DNAAF3: variants seen among roughly 807,000 people sequenced by gnomAD.
DNAAF3 encodes UPF0470 protein C19orf51.
A neutral mutation model predicts 50.9 loss-of-function variants in DNAAF3; 40 were observed. That is an observed-to-expected ratio of 0.79 (90% CI 0.61 to 1.02). The LOEUF is 1.02. Ranked by LOEUF, DNAAF3 falls within the 50% of genes least tolerant of loss-of-function variation. The pLI is 0.00. For missense variants in DNAAF3, 763 were observed against 744.7 expected (o/e 1.02, Z -0.29); for synonymous variants, 327 against 322.8 (o/e 1.01, Z -0.14).
In DNAAF3 at chr19:55,165,426, C is replaced by A. The variant is rs1404783056; in HGVS notation, c.266G>T (p.Arg89Leu). ...VLENNLEAVA[R>L]HMLIFSLALE... ...GGCTAGGCTGAAGATCAGCATGTGT[C>A]GGGCCACAGCTTCCAGATTATTCTC... The change falls in exon 4 of 12, where the codon CGA (arginine) becomes CTA (leucine). Residue 89 changes from arginine to leucine, a missense_variant. Arg to Leu is a moderately radical substitution (Grantham distance 102, BLOSUM62 -2). Coordinates refer to ENST00000524407, the MANE Select transcript of DNAAF3 (RefSeq NM_001256715.2). 6.2e-7 allele frequency: 1 copy of A among 1,613,968 alleles called. No individual in the cohort carries two copies. The highest frequency in any genetic ancestry group is 8.5e-7 in the Non-Finnish European group (1 of 1,180,030).
intron 4 of DNAAF3, among the ~76,000 whole-genome samples, chr19:55,163,889 C>T (rs1217177617): frequency 6.6e-6 from 1 of 152,170 alleles, no homozygotes; most frequent in Non-Finnish European, 1.5e-5. Flanking sequence ...TGGTTTGGAT[C>T]TGTGTCCCTG....
chr19:55,161,683 A>T lies in DNAAF3; in HGVS notation c.623T>A (p.Val208Asp), dbSNP rs2147297674. The T allele has an allele frequency of 7.8e-6, 12 of 1,540,138 alleles. No individual in the cohort carries two copies. In the South Asian group the frequency reaches 1.4e-4, roughly 18 times the overall value. ...CTTCATGCGCAGGTCCCAGTCGCTG[A>T]CACCGCGCCGGGCGTCGTAGCGGGA... is the stretch of plus-strand genomic sequence containing the variant. ...LGSRYDARRG[V>D]SDWDLRMKLH... Residue 208 changes from valine (V) to aspartate (D), a missense_variant, in exon 6 of 12, where the codon GTC (valine) becomes GAC (aspartate). Coordinates refer to ENST00000524407, the MANE Select transcript of DNAAF3 (RefSeq NM_001256715.2). This position sits in a 1 kb window ranked among gnomAD's most constrained non-coding sequence, Gnocchi z 6.4.
rs750690012 is a variant in DNAAF3 at position 55,161,448 on chromosome 19, C to T, written c.664-30G>A. ...GGTGGGGGGCGGGAAGAAGGGAGCC[C>T]TCAGTGAACCGAGCGTGGAGAGACC... On this transcript the variant is annotated intron_variant, in intron 6 of 11. Coordinates refer to ENST00000524407, the MANE Select transcript of DNAAF3 (RefSeq NM_001256715.2). This position sits in a 1 kb window ranked among gnomAD's most constrained non-coding sequence, Gnocchi z 6.4. 2.1e-5 allele frequency: 33 copies of T among 1,577,268 alleles called. No individual in the cohort carries two copies. In the South Asian group the frequency reaches 3.4e-4, roughly 16 times the overall value.
intron 4 of DNAAF3, among the ~76,000 whole-genome samples, chr19:55,163,176 ATTTTTT>A (rs2085873461): frequency 6.6e-6 from 1 of 150,842 alleles, no homozygotes; most frequent in Non-Finnish European, 1.5e-5. Flanking sequence ...CACCCGGCTA[ATTTTTT>A]GTATTTTTAG....
At chr19:55,159,693 G>C in intron 10 of DNAAF3, 86 bp from the exon 11 acceptor site, 8 of 1,592,994 alleles carry the variant, frequency 5.0e-6, no homozygotes, top group Non-Finnish European at 6.8e-6. Context: ...AATGAGGGAG[G>C]AGGGGTGGCA....
rs775261306 is a variant in DNAAF3, at chr19:55,161,410, G to A, written c.672C>T (p.Val224=). The A allele has an allele frequency of 3.3e-6, 2 of 614,550 alleles. No homozygotes were observed. The highest frequency in any genetic ancestry group is 5.6e-6 in the Non-Finnish European group (2 of 358,566). 38.1% of individuals were successfully genotyped at this position (614,550 alleles called of 1,614,324 possible). A position where few individuals can be genotyped will look rare whatever the true frequency, so the allele number is the denominator to read the frequency against. ...AGCGTCGGAACTCCTGGGGGTGAAT[G>A]ACTTGAGCCTGGGGTGGGGGGCGGG... ...RMKLHDRGAQ[V]IHPQEFRRWR... The change falls in exon 7 of 12, where the codon GTC becomes GTT. Residue 224 remains valine, a synonymous_variant. Coordinates refer to ENST00000524407, the MANE Select transcript of DNAAF3 (RefSeq NM_001256715.2). The surrounding 1 kb of genome is among the most constrained non-coding windows in gnomAD (Gnocchi z 6.4).
chr19:55,165,715 G>A (rs1599930265), intron 3 of DNAAF3, 143 bp downstream of exon 3: 4 of 1,383,392 alleles, frequency 2.9e-6, no homozygotes, highest in South Asian at 2.6e-5. Flanking sequence ...CCCCCAAGAC[G>A]CATCGGTTCG....
chr19:55,162,449 T>C (rs1413267815), intron 4 of DNAAF3, 159 bp from the exon 5 acceptor site: 4 of 949,268 alleles, frequency 4.2e-6, no homozygotes, highest in Non-Finnish European at 5.5e-6. Context: ...GGGCCGGACA[T>C]GGTGGCGGGC....
chr19:55,164,713 C>T (rs977094512), intron 4 of DNAAF3, among the ~76,000 whole-genome samples: 3 of 151,898 alleles, frequency 2.0e-5, no homozygotes, highest in African/African-American at 7.3e-5. Context: ...TTAGTAGAGA[C>T]GGGGTTTCAC....
rs1435377783 is a variant in DNAAF3 at position 55,159,109 on chromosome 19, C to G, written c.1579G>C (p.Ala527Pro). The change falls in exon 12 of 12, where the codon GCC (alanine) becomes CCC (proline). Residue 527 changes from alanine to proline, a missense_variant. By Grantham distance (27) the Ala-to-Pro change is conservative. Coordinates refer to ENST00000524407, the MANE Select transcript of DNAAF3 (RefSeq NM_001256715.2). ...LSEVLAQPQG[A>P]LAPPNCESDS... ...GACTCACAGTTGGGCGGAGCCAAGG[C>G]CCCCTGAGGCTGAGCCAGAACCTCT... 1.2e-6 allele frequency: 2 copies of G among 1,610,926 alleles called. No individual in the cohort carries two copies. The highest frequency in any genetic ancestry group is 1.7e-5 in the Admixed American group (1 of 59,806).
chr19:55,159,732 A>G (rs566321673), intron 10 of DNAAF3, 125 bp from the exon 11 acceptor site: 1 of 1,569,298 alleles, frequency 6.4e-7, no homozygotes, highest in Non-Finnish European at 8.6e-7. Flanking sequence ...TGGGGAAAGA[A>G]GGGAGCAGGA....
chr19:55,163,516 T>A (rs532352352), intron 4 of DNAAF3, among the ~76,000 whole-genome samples: 1 of 151,844 alleles, frequency 6.6e-6, no homozygotes, highest in Admixed American at 6.6e-5. Flanking sequence ...AGTCTCAAAC[T>A]CGTGGTCTCA....
chr19:55,160,895 G>T lies in DNAAF3; in HGVS notation c.913-120C>A. The T allele has an allele frequency of 6.8e-7, 1 of 1,464,584 alleles. No individual in the cohort carries two copies. 90.7% of individuals were successfully genotyped at this position (1,464,584 alleles called of 1,614,324 possible). On this transcript the variant is annotated intron_variant, in intron 8 of 11. Coordinates refer to ENST00000524407, the MANE Select transcript of DNAAF3 (RefSeq NM_001256715.2). This position sits in a 1 kb window ranked among gnomAD's most constrained non-coding sequence, Gnocchi z 4.7. ...GCAGCTGCTTGGAGGATGTGAAGTG[G>T]GGCGGGACCTATCCCGCGGGGATGG...
At position 55,160,937 on chromosome 19, in the gene DNAAF3, G is replaced by T; in HGVS notation, c.912+128C>A. 1 of 1,448,966 alleles carries T rather than the reference G, an allele frequency of 6.9e-7. No individual in the cohort carries two copies. The highest frequency in any genetic ancestry group is 9.1e-7 in the Non-Finnish European group (1 of 1,102,758). 89.8% of individuals were successfully genotyped at this position (1,448,966 alleles called of 1,614,324 possible). A position where few individuals can be genotyped will look rare whatever the true frequency, so the allele number is the denominator to read the frequency against. ...CGGGGATGGGGCCTGTTCTCTGAAT[G>T]GAGTCGTTCCCACCAAGCGACGGGC... On this transcript the variant is annotated intron_variant, in intron 8 of 11. Coordinates refer to ENST00000524407, the MANE Select transcript of DNAAF3 (RefSeq NM_001256715.2). This position sits in a 1 kb window ranked among gnomAD's most constrained non-coding sequence, Gnocchi z 4.7.
In DNAAF3 at chr19:55,166,446, C is replaced by T; in HGVS notation, c.-4-29G>A. ...CGGAAAAGACATTCTGGGAATCGCA[C>T]ACATTGCCCGCCCCGCTCCCCTCTC... On this transcript the variant is annotated intron_variant, in intron 1 of 11. Transcript: ENST00000524407. This position sits in a 1 kb window ranked among gnomAD's most constrained non-coding sequence, Gnocchi z 4.0. 6.2e-7 allele frequency: 1 copy of T among 1,613,728 alleles called. No individual in the cohort carries two copies. The highest frequency in any genetic ancestry group is 1.7e-4 in the Middle Eastern group (1 of 6,060).
rs1157284749 is a variant in DNAAF3 at position 55,159,874 on chromosome 19, T to G, written c.1163+25A>C. The G allele has an allele frequency of 2.5e-6, 4 of 1,610,312 alleles. No homozygotes were observed. The South Asian group carries it at 4.4e-5, about 18-fold the overall frequency. Reference sequence around the variant, plus strand: ...CTGGGGGCCTGATCCTGGGTCTTTGTGAGCACAGCTGCCTCCCCGCTTACC... The same window carrying G: ...CTGGGGGCCTGATCCTGGGTCTTTGGGAGCACAGCTGCCTCCCCGCTTACC... On this transcript the variant is annotated intron_variant, in intron 10 of 11. Coordinates refer to ENST00000524407, the MANE Select transcript of DNAAF3 (RefSeq NM_001256715.2).
intron 5 of DNAAF3, 82 bp downstream of exon 5, chr19:55,162,051 C>G (rs1300038211): frequency 7.5e-7 from 1 of 1,325,298 alleles, no homozygotes; most frequent in African/African-American, 1.5e-5. Context: ...GCCGCCTGCT[C>G]CATCAACGCA....
chr19:55,163,437 C>T (rs1027551384), intron 4 of DNAAF3, among the ~76,000 whole-genome samples: 6 of 151,136 alleles, frequency 4.0e-5, no homozygotes, highest in African/African-American at 1.2e-4. Flanking sequence ...GGATTACAGG[C>T]GTGAGCCACC....
Position 55,160,606 on chromosome 19 carries a change from G to A in DNAAF3, c.1048+34C>T. On this transcript the variant is annotated intron_variant, in intron 9 of 11. Coordinates refer to ENST00000524407, the MANE Select transcript of DNAAF3 (RefSeq NM_001256715.2). This position sits in a 1 kb window ranked among gnomAD's most constrained non-coding sequence, Gnocchi z 4.7. ...CAGTGTGAAACACCTGGAGGCTGGA[G>A]TCCCTGGCTTACCTGTTGTTGTCCC... The A allele has an allele frequency of 6.8e-7, 1 of 1,468,172 alleles. No homozygotes were observed. The highest frequency in any genetic ancestry group is 1.8e-4 in the Middle Eastern group (1 of 5,632). The allele number at this position is 1,468,172 out of a possible 1,614,324, so 90.9% of individuals were successfully genotyped here.
Sources: allele counts gnomAD v4.1 joint callset (sites outside exome capture counted in the v4.1 genomes callset), GRCh38; gene constraint gnomAD v4.1.1; non-coding constraint Gnocchi (gnomAD v3.1); transcripts MANE v1.5; gene names NCBI Gene and HGNC (gene_info 2026-07-23, HGNC 2026-07-21).